Variants in MYO5B observed in about 807,000 individuals in gnomAD.
MYO5B encodes the protein myosin VB.
Under a neutral mutation model 229.3 loss-of-function variants are expected in MYO5B, and 143 were observed. The observed-to-expected ratio is 0.62, with a 90% CI of 0.54 to 0.72. The LOEUF (loss-of-function observed/expected upper bound fraction) is 0.72. Ranked by LOEUF, MYO5B falls within the 30% of genes least tolerant of loss-of-function variation. The pLI, the probability that MYO5B is intolerant of heterozygous loss-of-function variation, is 0.00. For synonymous variants in MYO5B, 918 were observed against 885.2 expected (o/e 1.04, Z -0.66); for missense variants, 2,321 against 2,331.0 (o/e 1.00, Z 0.09).
At chr18:50,125,088 A>G (rs1208238309) in intron 1 of MYO5B, among the ~76,000 whole-genome samples, 2 of 152,150 alleles carry the variant, frequency 1.3e-5, no homozygotes, top group Non-Finnish European at 2.9e-5. Context: ...GGCCTGGCAC[A>G]AGCCCCAGGG....
At chr18:49,938,458 G>A (rs950254386) in intron 14 of MYO5B, among the ~76,000 whole-genome samples, 1 of 152,070 alleles carries the variant, frequency 6.6e-6, no homozygotes. Context: ...GGAAAAGGAG[G>A]GAGGGAAAAG....
intron 4 of MYO5B, among the ~76,000 whole-genome samples, chr18:50,002,516 G>T (rs1455989076): frequency 6.6e-6 from 1 of 152,188 alleles, no homozygotes. Flanking sequence ...GGTGCCAAGA[G>T]ACTCAGGTTC....
chr18:49,879,030 C>T lies in MYO5B; in HGVS notation c.3191G>A (p.Arg1064Gln), dbSNP rs765443536. 1.6e-5 allele frequency: 26 copies of T among 1,605,180 alleles called. No homozygotes were observed. The African/African-American group carries it at 2.7e-4, about 16-fold the overall frequency. Reference protein sequence around the residue: ...NLMKKELEEERSRYQNLVKEY... With the variant: ...NLMKKELEEEQSRYQNLVKEY... Reference sequence around the variant, plus strand: ...CTTCACAAGGTTCTGGTACCGGGATCGCTCCTCCTCCAGTTCTTTCTTCAT... The same window carrying T: ...CTTCACAAGGTTCTGGTACCGGGATTGCTCCTCCTCCAGTTCTTTCTTCAT... Residue 1064 changes from arginine (R) to glutamine (Q), a missense_variant, in exon 24 of 40, where the codon CGA becomes CAA. By Grantham distance (43) the Arg-to-Gln change is conservative. Around this residue, in one of 2 missense-constraint regions of MYO5B, gnomAD observed 2,113 missense variants for 2,044.7 expected, o/e 1.03. Transcript: ENST00000285039.
intron 8 of MYO5B, among the ~76,000 whole-genome samples, chr18:49,982,216 T>C (rs1228012794): frequency 6.6e-6 from 1 of 152,154 alleles, no homozygotes; most frequent in African/African-American, 2.4e-5. Flanking sequence ...GACAGGTGTG[T>C]GCCAACATGG....
intron 26 of MYO5B, among the ~76,000 whole-genome samples, chr18:49,872,446 C>A (rs777175981): frequency 2.0e-5 from 3 of 152,128 alleles, no homozygotes; most frequent in African/African-American, 4.8e-5. Flanking sequence ...CCTGTCCCCA[C>A]CCCCACTTTC....
At chr18:49,922,930 G>A (rs1270149145) in intron 17 of MYO5B, among the ~76,000 whole-genome samples, 1 of 152,174 alleles carries the variant, frequency 6.6e-6, no homozygotes, top group Non-Finnish European at 1.5e-5. Context: ...TTCGCAGCAA[G>A]GTGGAATGAA....
rs2030699200 is a variant in MYO5B, at chr18:50,062,050, C to A, written c.28-6672G>T. On this transcript the variant is annotated intron_variant, in intron 1 of 39. Coordinates refer to ENST00000285039, the MANE Select transcript of MYO5B (RefSeq NM_001080467.3). ...GCAGGCCTGGAGAAAAGATCTCAGT[C>A]TCTAAGTCCTCCACTGTCTACCCCA... is the stretch of plus-strand genomic sequence containing the variant. Among the ~76,000 whole-genome samples the A allele has an allele frequency of 2.0e-5, 3 of 152,254 alleles. No individual in the cohort carries two copies. In the South Asian group the frequency reaches 6.2e-4, roughly 32 times the overall value.
At chr18:49,912,471 C>T (rs959910763) in intron 17 of MYO5B, among the ~76,000 whole-genome samples, 1 of 152,134 alleles carries the variant, frequency 6.6e-6, no homozygotes, top group African/African-American at 2.4e-5. Flanking sequence ...GTGTCCCCAC[C>T]CAAATCTCAT....
chr18:50,113,270 G>A (rs80233931), intron 1 of MYO5B, among the ~76,000 whole-genome samples: 3,872 of 152,242 alleles, frequency 0.025, 166 homozygotes, highest in African/African-American at 0.089. Flanking sequence ...AGGAAGCTTC[G>A]CATCCTAAAG....
At chr18:50,180,125 T>C (rs1334648255) in intron 1 of MYO5B, among the ~76,000 whole-genome samples, 1 of 152,190 alleles carries the variant, frequency 6.6e-6, no homozygotes, top group East Asian at 1.9e-4. Context: ...TCCCCATCAA[T>C]GCTGGTGCTT....
At chr18:49,922,413 A>G (rs2025084587) in intron 17 of MYO5B, among the ~76,000 whole-genome samples, 1 of 152,108 alleles carries the variant, frequency 6.6e-6, no homozygotes, top group African/African-American at 2.4e-5. Flanking sequence ...CTGCCCTCTC[A>G]CCGCTCATCC....
At chr18:50,087,607 A>ATGAATGTT (rs1388461005) in intron 1 of MYO5B, among the ~76,000 whole-genome samples, 1 of 151,948 alleles carries the variant, frequency 6.6e-6, no homozygotes, top group Non-Finnish European at 1.5e-5. Context: ...AATAAATAAA[A>ATGAATGTT]TGAATGTTTT....
In MYO5B at chr18:50,160,507, A is replaced by G. The variant is rs567629237; in HGVS notation, c.27+34260T>C. 2.2e-4 allele frequency among the ~76,000 whole-genome samples: 34 copies of G among 152,318 alleles called. 1 individual carries two copies. The South Asian group carries it at 7.1e-3, about 32-fold the overall frequency. The stretch of plus-strand genomic sequence containing the variant: ...GAACAGACATTTTAACTGCCCCCCA[A>G]AGTAAGGACTTCAGAAAAGGACAGT... On this transcript the variant is annotated intron_variant, in intron 1 of 39. Coordinates refer to ENST00000285039, the MANE Select transcript of MYO5B (RefSeq NM_001080467.3).
intron 1 of MYO5B, among the ~76,000 whole-genome samples, chr18:50,140,024 G>GAA (rs74176754): frequency 0.18 from 27,648 of 151,904 alleles, 2,634 homozygotes; most frequent in South Asian, 0.28. Context: ...AACCTAGGGG[G>GAA]AAAAAAACTT....
In MYO5B at chr18:49,951,662, C is replaced by G. The variant is rs143198845; in HGVS notation, c.1752+1598G>C. On this transcript the variant is annotated intron_variant, in intron 14 of 39. Transcript: ENST00000285039. ...ATCAACACAATGGCAGAACCAGACT[C>G]TGTATTAAATGAAAAGTACCCACCT... Among the ~76,000 whole-genome samples, 304 of 152,282 alleles carry G rather than the reference C, an allele frequency of 2.0e-3. 1 individual carries two copies. Among genetic ancestry groups the G allele is most frequent in the Non-Finnish European group, 3.8e-3 (259 of 68,034 alleles).
chr18:49,913,253 G>A (rs2024977144), intron 17 of MYO5B, among the ~76,000 whole-genome samples: 1 of 152,190 alleles, frequency 6.6e-6, no homozygotes. Context: ...TTAAACAAAT[G>A]CAGTCTTTCC....
At chr18:49,892,835 G>A (rs1269869722) in intron 22 of MYO5B, among the ~76,000 whole-genome samples, 1 of 152,196 alleles carries the variant, frequency 6.6e-6, no homozygotes, top group Non-Finnish European at 1.5e-5. Flanking sequence ...GTTTCTGAGT[G>A]TTTCTAAGTT....
At chr18:50,161,612 G>C (rs1290404189) in intron 1 of MYO5B, among the ~76,000 whole-genome samples, 1 of 152,162 alleles carries the variant, frequency 6.6e-6, no homozygotes, top group African/African-American at 2.4e-5. Context: ...GCCCGACCCT[G>C]CTAGCTACAG....
rs550010360 is a variant in MYO5B, at chr18:49,931,255, C to T, written c.2004-1657G>A. Among the ~76,000 whole-genome samples, 10 of 152,280 alleles carry T rather than the reference C, an allele frequency of 6.6e-5. No individual in the cohort carries two copies. The South Asian group carries it at 1.9e-3, about 28-fold the overall frequency. On this transcript the variant is annotated intron_variant, in intron 16 of 39. Coordinates refer to ENST00000285039, the MANE Select transcript of MYO5B (RefSeq NM_001080467.3). ...ATGACTGCAAGATGCCACCTCAACC[C>T]AGGCAACACTCCACGTTGCACATCA...
Sources: allele counts gnomAD v4.1 joint callset (sites outside exome capture counted in the v4.1 genomes callset), GRCh38; gene constraint gnomAD v4.1.1; regional missense constraint gnomAD v4.1.1; transcripts MANE v1.5; gene names NCBI Gene and HGNC (gene_info 2026-07-23, HGNC 2026-07-21).